Variants in TASP1 observed in about 807,000 individuals in gnomAD.
TASP1 encodes the protein threonine aspartase 1.
A neutral mutation model predicts 56.6 loss-of-function variants in TASP1; 16 were observed. The observed-to-expected ratio is 0.28, with a 90% CI of 0.19 to 0.43. TASP1 has a LOEUF of 0.43. Ranked by LOEUF, TASP1 falls within the 20% of genes least tolerant of loss-of-function variation. TASP1 has a pLI of 1.00. For missense variants in TASP1, 393 were observed against 511.6 expected (o/e 0.77, Z 2.24); for synonymous variants, 179 against 184.2 (o/e 0.97, Z 0.23).
the TASP1 span, among the ~76,000 whole-genome samples, chr20:13,146,618 A>G: frequency 1.3e-5 from 2 of 152,278 alleles, no homozygotes; most frequent in East Asian, 3.9e-4. Flanking sequence ...ATACTATGCA[A>G]ATGTCTACAT....
the TASP1 span, among the ~76,000 whole-genome samples, chr20:13,206,759 G>C: frequency 6.6e-6 from 1 of 152,162 alleles, no homozygotes; most frequent in Non-Finnish European, 1.5e-5. Flanking sequence ...TTCTAGAAAT[G>C]AGTGAATCAG....
chr20:13,188,579 G>A, the TASP1 span, among the ~76,000 whole-genome samples: 1 of 152,088 alleles, frequency 6.6e-6, no homozygotes, highest in African/African-American at 2.4e-5. Flanking sequence ...TAGATTGAAA[G>A]ATTATTGTTG....
chr20:13,445,009 T>C (rs1313377336), intron 11 of TASP1, among the ~76,000 whole-genome samples: 4 of 152,176 alleles, frequency 2.6e-5, no homozygotes, highest in Admixed American at 2.6e-4. Flanking sequence ...GAGAGTTGAA[T>C]TGAAAACAGA....
chr20:13,530,346 G>A (rs181730529), intron 9 of TASP1, among the ~76,000 whole-genome samples: 2 of 152,272 alleles, frequency 1.3e-5, no homozygotes, highest in Admixed American at 6.5e-5. Flanking sequence ...ACAACACCAC[G>A]CTTCTAAAAT....
intron 12 of TASP1, among the ~76,000 whole-genome samples, chr20:13,431,485 C>T (rs1322200895): frequency 6.6e-6 from 1 of 152,110 alleles, no homozygotes; most frequent in African/African-American, 2.4e-5. Context: ...GCTGTTAATG[C>T]TGGTTACTGA....
the TASP1 span, among the ~76,000 whole-genome samples, chr20:13,326,101 A>T: frequency 5.3e-5 from 8 of 152,224 alleles, no homozygotes; most frequent in African/African-American, 1.9e-4. Context: ...TTCGCTCAGC[A>T]TAAGGCCTTT....
the TASP1 span, among the ~76,000 whole-genome samples, chr20:13,353,575 G>A: frequency 6.6e-6 from 1 of 152,192 alleles, no homozygotes; most frequent in African/African-American, 2.4e-5. Context: ...ACATTCATCA[G>A]CTTGGTAACA....
the TASP1 span, among the ~76,000 whole-genome samples, chr20:13,208,176 G>A: frequency 1.3e-5 from 2 of 152,100 alleles, no homozygotes. Context: ...GCCATAAGAC[G>A]ACACTAGTAA....
At chr20:13,321,260 A>T in the TASP1 span, among the ~76,000 whole-genome samples, 1 of 148,472 alleles carries the variant, frequency 6.7e-6, no homozygotes, top group Non-Finnish European at 1.5e-5. Context: ...ACATAAAAAA[A>T]AAAAAAAAAA....
chr20:13,629,364 CAA>C (rs1218111399), intron 2 of TASP1, among the ~76,000 whole-genome samples: 23 of 51,988 alleles, frequency 4.4e-4, no homozygotes, highest in Admixed American at 6.5e-4. Flanking sequence ...AACTCCATCT[CAA>C]AAAAAAAAAA....
the TASP1 span, among the ~76,000 whole-genome samples, chr20:13,344,071 T>C: frequency 1.3e-5 from 2 of 152,040 alleles, no homozygotes; most frequent in Non-Finnish European, 2.9e-5. Context: ...CCAGACCGAT[T>C]CCATCGTTCC....
intron 10 of TASP1, among the ~76,000 whole-genome samples, chr20:13,490,248 TA>T (rs35198490): frequency 0.23 from 34,370 of 150,226 alleles, 4,005 homozygotes; most frequent in Middle Eastern, 0.29. Flanking sequence ...TTCATTTGAA[TA>T]AAAAAAAAAT....
chr20:13,120,598 A>C, the TASP1 span, among the ~76,000 whole-genome samples: 1 of 152,212 alleles, frequency 6.6e-6, no homozygotes, highest in Non-Finnish European at 1.5e-5. Context: ...GGTTCTGGAA[A>C]TCTTTATGGA....
At chr20:13,110,867 T>C in the TASP1 span, among the ~76,000 whole-genome samples, 2 of 152,050 alleles carry the variant, frequency 1.3e-5, no homozygotes, top group African/African-American at 4.8e-5. Flanking sequence ...CCTATAATGA[T>C]AGAAAAGTGA....
At chr20:13,247,061 C>T in the TASP1 span, among the ~76,000 whole-genome samples, 1 of 152,094 alleles carries the variant, frequency 6.6e-6, no homozygotes, top group South Asian at 2.1e-4. Context: ...CATGGTGAAA[C>T]CCCGTCTCTA....
chr20:13,417,097 A>T (rs12480266), intron 13 of TASP1, among the ~76,000 whole-genome samples: 9,662 of 152,270 alleles, frequency 0.063, 456 homozygotes, highest in African/African-American at 0.13. Context: ...TCTTGCAGAA[A>T]CATCCATCTA....
chr20:13,531,474 C>A (rs75143310), intron 9 of TASP1, among the ~76,000 whole-genome samples: 1 of 150,914 alleles, frequency 6.6e-6, no homozygotes, highest in Non-Finnish European at 1.5e-5. Context: ...ATTCAAATTG[C>A]CATTTCTTAT....
intron 13 of TASP1, among the ~76,000 whole-genome samples, chr20:13,401,908 T>C (rs2041752307): frequency 6.6e-6 from 1 of 152,226 alleles, no homozygotes; most frequent in South Asian, 2.1e-4. Flanking sequence ...CAAGGTGATA[T>C]TCTAAGTTAG....
chr20:13,128,179 C>A, the TASP1 span, among the ~76,000 whole-genome samples: 1 of 152,174 alleles, frequency 6.6e-6, no homozygotes, highest in African/African-American at 2.4e-5. Flanking sequence ...TAATTGCTTG[C>A]TACTATTATT....
Sources: allele counts gnomAD v4.1 joint callset (sites outside exome capture counted in the v4.1 genomes callset), GRCh38; gene constraint gnomAD v4.1.1; transcripts MANE v1.5; gene names NCBI Gene and HGNC (gene_info 2026-07-23, HGNC 2026-07-21).